Variants in FGF7 observed in about 807,000 individuals in gnomAD.
FGF7 encodes fibroblast growth factor 7.
In FGF7, 6 loss-of-function variants were observed where a neutral mutation model predicts 20.5. The observed-to-expected ratio is 0.29, with a 90% CI of 0.16 to 0.58. FGF7 has a LOEUF of 0.58. Among genes scored for constraint, FGF7 ranks in the 20% least tolerant of loss-of-function variants. FGF7 has a pLI of 0.90. For synonymous variants in FGF7, 64 were observed against 74.7 expected (o/e 0.86, Z 0.74); for missense variants, 144 against 228.8 (o/e 0.63, Z 2.39).
At position 49,438,479 on chromosome 15, in the gene FGF7, A is replaced by G. The variant is rs559783457; in HGVS notation, c.286+13896A>G. 9.9e-5 allele frequency among the ~76,000 whole-genome samples: 15 copies of G among 151,872 alleles called. No individual in the cohort carries two copies. The South Asian group carries it at 2.9e-3, about 29-fold the overall frequency. On this transcript the variant is annotated intron_variant, in intron 2 of 3. Coordinates refer to ENST00000267843, the MANE Select transcript of FGF7 (RefSeq NM_002009.4). ...GTCAATTGCAGAAGAGAAAAGGGAG[A>G]AAAGTAGGCTAGAAAATTCACCAAA...
At chr15:49,472,515 G>T (rs1352217484) in intron 2 of FGF7, among the ~76,000 whole-genome samples, 1 of 152,188 alleles carries the variant, frequency 6.6e-6, no homozygotes, top group East Asian at 1.9e-4. Flanking sequence ...AAAAGACTGG[G>T]AAATGGAAAG....
intron 2 of FGF7, among the ~76,000 whole-genome samples, chr15:49,472,909 GTACCA>G (rs80193461): frequency 0.25 from 38,328 of 151,750 alleles, 5,628 homozygotes; most frequent in Non-Finnish European, 0.34. Flanking sequence ...AATTTTTTGG[GTACCA>G]TACATTTTAA....
At chr15:49,457,331 T>C (rs1268147296) in intron 2 of FGF7, among the ~76,000 whole-genome samples, 1 of 151,948 alleles carries the variant, frequency 6.6e-6, no homozygotes, top group Non-Finnish European at 1.5e-5. Flanking sequence ...AACTACCCTG[T>C]AGGTGGAATC....
At chr15:49,436,698 G>T (rs2051137587) in intron 2 of FGF7, among the ~76,000 whole-genome samples, 1 of 150,540 alleles carries the variant, frequency 6.6e-6, no homozygotes, top group Admixed American at 6.7e-5. Flanking sequence ...ACTTGCTCTA[G>T]GTTACATAGC....
intron 2 of FGF7, among the ~76,000 whole-genome samples, chr15:49,476,982 C>G (rs943038880): frequency 2.0e-5 from 3 of 151,422 alleles, no homozygotes; most frequent in Non-Finnish European, 2.9e-5. Flanking sequence ...ATGGTGCAAA[C>G]CTGGGAGGCG....
intron 2 of FGF7, among the ~76,000 whole-genome samples, chr15:49,430,210 G>T (rs1468093637): frequency 6.6e-6 from 1 of 151,930 alleles, no homozygotes; most frequent in African/African-American, 2.4e-5. Flanking sequence ...TGGTGAATGA[G>T]TTAGCTGCAG....
chr15:49,467,351 A>G (rs1021490887), intron 2 of FGF7, among the ~76,000 whole-genome samples: 5 of 152,098 alleles, frequency 3.3e-5, no homozygotes, highest in African/African-American at 1.2e-4. Context: ...TTCTAGCCCC[A>G]TCAAATTCTG....
At chr15:49,483,708 C>A (rs1367993812) in intron 3 of FGF7, among the ~76,000 whole-genome samples, 1 of 152,012 alleles carries the variant, frequency 6.6e-6, no homozygotes, top group Non-Finnish European at 1.5e-5. Context: ...TTCACATTGT[C>A]CCCACTTCAC....
At chr15:49,448,205 C>A (rs1020502848) in intron 2 of FGF7, among the ~76,000 whole-genome samples, 1 of 151,590 alleles carries the variant, frequency 6.6e-6, no homozygotes, top group African/African-American at 2.4e-5. Flanking sequence ...TTCTTTTCAA[C>A]CTTCTCCCTA....
intron 2 of FGF7, among the ~76,000 whole-genome samples, chr15:49,471,103 T>C (rs1043969124): frequency 6.6e-6 from 1 of 152,134 alleles, no homozygotes; most frequent in African/African-American, 2.4e-5. Context: ...GATAAGTACT[T>C]TTAAAGGGAG....
intron 2 of FGF7, among the ~76,000 whole-genome samples, chr15:49,476,104 T>C (rs1335252996): frequency 6.6e-6 from 1 of 152,102 alleles, no homozygotes; most frequent in Non-Finnish European, 1.5e-5. Flanking sequence ...TTTCTACCTA[T>C]GTCAACTCTA....
At chr15:49,439,421 G>T (rs1460957724) in intron 2 of FGF7, among the ~76,000 whole-genome samples, 2 of 151,690 alleles carry the variant, frequency 1.3e-5, no homozygotes, top group Non-Finnish European at 3.0e-5. Flanking sequence ...TAGTAAAATA[G>T]TAAAACGTGG....
At chr15:49,470,243 T>C (rs898822494) in intron 2 of FGF7, among the ~76,000 whole-genome samples, 2 of 37,418 alleles carry the variant, frequency 5.3e-5, no homozygotes, top group East Asian at 2.8e-3. Context: ...CTTATAATTC[T>C]TTAACACTGG....
intron 2 of FGF7, among the ~76,000 whole-genome samples, chr15:49,467,978 G>A (rs976685985): frequency 6.6e-6 from 1 of 152,116 alleles, no homozygotes; most frequent in African/African-American, 2.4e-5. Flanking sequence ...TTGCACAACC[G>A]AATAGTTTGC....
At chr15:49,449,827 G>C (rs1219436879) in intron 2 of FGF7, among the ~76,000 whole-genome samples, 2 of 151,796 alleles carry the variant, frequency 1.3e-5, no homozygotes, top group Admixed American at 1.3e-4. Context: ...ATGTAAACGA[G>C]ATCAGATATC....
chr15:49,481,842 G>A (rs1323538713), intron 2 of FGF7, among the ~76,000 whole-genome samples: 4 of 152,116 alleles, frequency 2.6e-5, no homozygotes, highest in Non-Finnish European at 5.9e-5. Context: ...GCTCTGACTA[G>A]TGTTAAGTAT....
intron 2 of FGF7, among the ~76,000 whole-genome samples, chr15:49,461,248 A>C (rs1041347663): frequency 2.0e-5 from 3 of 152,170 alleles, no homozygotes; most frequent in African/African-American, 7.2e-5. Context: ...AGGTCTCATT[A>C]TCTCAAAAGG....
chr15:49,479,604 T>TTTGTTTTG (rs1567359236), intron 2 of FGF7, among the ~76,000 whole-genome samples: 2 of 68,414 alleles, frequency 2.9e-5, no homozygotes, highest in African/African-American at 1.3e-4. Context: ...CCTCTGTTTT[T>TTTGTTTTG]TTTTTTTTTT....
intron 2 of FGF7, among the ~76,000 whole-genome samples, chr15:49,467,708 A>G (rs2054388697): frequency 6.6e-6 from 1 of 152,142 alleles, no homozygotes; most frequent in Admixed American, 6.6e-5. Context: ...TGTCAGACAA[A>G]TAATTCTTTC....
Sources: allele counts gnomAD v4.1 joint callset (sites outside exome capture counted in the v4.1 genomes callset), GRCh38; gene constraint gnomAD v4.1.1; transcripts MANE v1.5; gene names NCBI Gene and HGNC (gene_info 2026-07-23, HGNC 2026-07-21).